The following CAB39L variants were observed in gnomAD, a reference collection of about 807,000 sequenced individuals.
CAB39L encodes the protein calcium binding protein 39 like.
In CAB39L, 23 loss-of-function variants were observed where a neutral mutation model predicts 39.1. The ratio of observed to expected loss-of-function variants is 0.59; its 90% CI spans 0.42 to 0.83. The LOEUF (loss-of-function observed/expected upper bound fraction) is 0.83. CAB39L is among the 40% of genes least tolerant of loss of function. The probability of loss-of-function intolerance (pLI) is 0.00; values close to 1 mark genes in which losing one functional copy is unlikely to be tolerated. For missense variants in CAB39L, 366 were observed against 391.9 expected, an observed-to-expected ratio of 0.93 and a Z score of 0.56; for synonymous variants, 126 against 137.2, an observed-to-expected ratio of 0.92 and a Z score of 0.57.
At chr13:49,346,083 TATATATATATATGCTAG>T (rs1250586462) in intron 7 of CAB39L, among the ~76,000 whole-genome samples, 4 of 124,176 alleles carry the variant, frequency 3.2e-5, no homozygotes, top group East Asian at 2.7e-4. Context: ...TAGATATATA[TATATATATATATGCTAG>T]ATATATATAT....
intron 9 of CAB39L, among the ~76,000 whole-genome samples, chr13:49,335,691 A>G (rs956642096): frequency 6.6e-6 from 1 of 152,210 alleles, no homozygotes; most frequent in African/African-American, 2.4e-5. Context: ...CCCAGTTTCC[A>G]CCAAGCTTCT....
At chr13:49,380,355 C>G (rs563599582) in intron 4 of CAB39L, among the ~76,000 whole-genome samples, 1 of 152,158 alleles carries the variant, frequency 6.6e-6, no homozygotes, top group East Asian at 1.9e-4. Flanking sequence ...CATAAGCTTT[C>G]TTTGTCAATC....
At chr13:49,401,785 T>C (rs1054313632) in intron 3 of CAB39L, among the ~76,000 whole-genome samples, 34 of 152,184 alleles carry the variant, frequency 2.2e-4, no homozygotes, top group Admixed American at 7.2e-4. Context: ...TAAAGGTTAT[T>C]TTTAAAAAAG....
Position 49,343,336 on chromosome 13 carries a change from C to G in CAB39L, c.624+843G>C, listed in dbSNP as rs546129055. 7.9e-5 allele frequency among the ~76,000 whole-genome samples: 12 copies of G among 152,258 alleles called. No individual in the cohort carries two copies. In the South Asian group the frequency reaches 1.2e-3, roughly 16 times the overall value. On this transcript the variant is annotated intron_variant, in intron 8 of 10. Transcript: ENST00000409308. The stretch of plus-strand genomic sequence containing the variant: ...AATCCCGTCAAACTCCCTCAACAAC[C>G]CTATGATTCAGGTATTATTACTATG...
At chr13:49,334,792 A>G (rs1954805559) in intron 9 of CAB39L, among the ~76,000 whole-genome samples, 1 of 152,200 alleles carries the variant, frequency 6.6e-6, no homozygotes, top group Admixed American at 6.5e-5. Context: ...ATCCCTTATT[A>G]CAGTCAAGAA....
intron 3 of CAB39L, among the ~76,000 whole-genome samples, chr13:49,385,731 C>T (rs1956342307): frequency 6.6e-6 from 1 of 152,148 alleles, no homozygotes; most frequent in South Asian, 2.1e-4. Context: ...GAAAGTGAGA[C>T]AGGGGAACGG....
intron 3 of CAB39L, among the ~76,000 whole-genome samples, chr13:49,430,221 C>G (rs187539969): frequency 7.7e-4 from 117 of 152,286 alleles, no homozygotes; most frequent in African/African-American, 2.4e-3. Context: ...TAAAGATGCC[C>G]TTTTGCATGC....
chr13:49,426,547 A>C (rs1594093081), intron 3 of CAB39L, among the ~76,000 whole-genome samples: 1 of 152,048 alleles, frequency 6.6e-6, no homozygotes, highest in Admixed American at 6.5e-5. Flanking sequence ...CTGCCTCAGC[A>C]TCCTGAGTAG....
At chr13:49,337,732 GCACACACACACACACACACACACACACA>G (rs57089737) in intron 9 of CAB39L, among the ~76,000 whole-genome samples, 2 of 144,212 alleles carry the variant, frequency 1.4e-5, no homozygotes, top group African/African-American at 5.1e-5. Flanking sequence ...CTGCTCTGGC[GCACACACACACACACACACACACACACA>G]CACACACACA....
At chr13:49,326,806 A>G (rs768293887) in intron 10 of CAB39L, among the ~76,000 whole-genome samples, 1 of 152,162 alleles carries the variant, frequency 6.6e-6, no homozygotes, top group Non-Finnish European at 1.5e-5. Context: ...TTCTCAGAGG[A>G]TGGAAATAGG....
At chr13:49,406,333 ATTTTTT>A (rs34078174) in intron 3 of CAB39L, among the ~76,000 whole-genome samples, 1 of 90,632 alleles carries the variant, frequency 1.1e-5, no homozygotes, top group African/African-American at 4.6e-5. Flanking sequence ...ATGCCCAGCT[ATTTTTT>A]TTTTTTTTTT....
At chr13:49,437,060 T>C (rs1957429743) in intron 1 of CAB39L, among the ~76,000 whole-genome samples, 1 of 152,230 alleles carries the variant, frequency 6.6e-6, no homozygotes, top group Admixed American at 6.5e-5. Context: ...TGTGAGCCAC[T>C]GTGCCCAGCC....
At chr13:49,366,334 C>T (rs1173337776) in intron 5 of CAB39L, among the ~76,000 whole-genome samples, 2 of 151,750 alleles carry the variant, frequency 1.3e-5, no homozygotes, top group African/African-American at 4.8e-5. Context: ...ATCTCATATA[C>T]ACTACCTACT....
At chr13:49,413,095 C>G (rs1047878450) in intron 3 of CAB39L, 2 of 146,450 alleles carry the variant, frequency 1.4e-5, no homozygotes, top group African/African-American at 5.1e-5. Context: ...GGAGCTTGTA[C>G]AACTTTTGTG....
intron 3 of CAB39L, among the ~76,000 whole-genome samples, chr13:49,406,333 A>AATTTT (rs1555264228): frequency 5.5e-5 from 5 of 90,612 alleles, no homozygotes; most frequent in African/African-American, 1.4e-4. Context: ...ATGCCCAGCT[A>AATTTT]TTTTTTTTTT....
At chr13:49,320,723 C>T (rs778370255) in intron 10 of CAB39L, among the ~76,000 whole-genome samples, 11 of 152,160 alleles carry the variant, frequency 7.2e-5, no homozygotes, top group Admixed American at 6.5e-4. Flanking sequence ...AAATCCCACC[C>T]CATCGAAGTG....
intron 3 of CAB39L, among the ~76,000 whole-genome samples, chr13:49,415,522 G>GA (rs59889553): frequency 6.7e-5 from 10 of 149,114 alleles, no homozygotes; most frequent in African/African-American, 9.9e-5. Context: ...CTCTGTCTTG[G>GA]AAAAAAAAAA....
chr13:49,322,348 A>T (rs1038218235), intron 10 of CAB39L, among the ~76,000 whole-genome samples: 1 of 152,168 alleles, frequency 6.6e-6, no homozygotes, highest in Non-Finnish European at 1.5e-5. Flanking sequence ...TTGTGGCCAA[A>T]ATTGGATTGG....
chr13:49,364,351 CAG>C (rs879928287), intron 5 of CAB39L, among the ~76,000 whole-genome samples: 21 of 151,912 alleles, frequency 1.4e-4, no homozygotes, highest in Non-Finnish European at 2.4e-4. Flanking sequence ...AAGTGAGAGA[CAG>C]ATCCCAATAC....
Sources: gnomAD v4.1 joint callset for allele counts (sites outside exome capture counted in the v4.1 genomes callset) on GRCh38, gnomAD v4.1.1 for gene constraint, MANE v1.5 for transcripts, NCBI Gene and HGNC (gene_info 2026-07-23, HGNC 2026-07-21) for gene names.